Variants in GLDN observed in about 807,000 individuals in gnomAD.
The protein encoded by GLDN is gliomedin.
Under a neutral mutation model 56.5 loss-of-function variants are expected in GLDN, and 47 were observed. That is an observed-to-expected ratio of 0.83 (90% confidence interval 0.66 to 1.06). GLDN has a LOEUF of 1.06. GLDN is among the 50% of genes least tolerant of loss of function. GLDN has a pLI of 0.00. For missense variants in GLDN, 782 were observed against 714.3 expected, an observed-to-expected ratio of 1.09 and a Z score of -1.08; for synonymous variants, 332 against 278.8, an observed-to-expected ratio of 1.19 and a Z score of -1.90.
downstream of GLDN, among the ~76,000 whole-genome samples, chr15:51,410,321 G>A (rs1179010510): frequency 2.0e-5 from 3 of 152,190 alleles, no homozygotes; most frequent in Non-Finnish European, 2.9e-5. Flanking sequence ...TGCTGGAAGT[G>A]CTGTCAACAT....
chr15:51,372,553 T>A (rs1415342474), intron 1 of GLDN, among the ~76,000 whole-genome samples: 3 of 152,186 alleles, frequency 2.0e-5, no homozygotes, highest in Non-Finnish European at 4.4e-5. Flanking sequence ...CAGCCCATCG[T>A]TCCCACTAAG....
chr15:51,350,381 C>T (rs1347281796), intron 1 of GLDN, among the ~76,000 whole-genome samples: 1 of 152,072 alleles, frequency 6.6e-6, no homozygotes, highest in African/African-American at 2.4e-5. Flanking sequence ...AGATTAGAGG[C>T]CTGATACAGG....
intron 1 of GLDN, among the ~76,000 whole-genome samples, chr15:51,356,522 G>A (rs2037189683): frequency 6.6e-6 from 1 of 152,212 alleles, no homozygotes; most frequent in Non-Finnish European, 1.5e-5. Context: ...CTTCCAAGGA[G>A]AACTCTGCCT....
chr15:51,366,936 T>C (rs756189420), intron 1 of GLDN, among the ~76,000 whole-genome samples: 8 of 152,186 alleles, frequency 5.3e-5, no homozygotes, highest in Non-Finnish European at 1.2e-4. Context: ...TTGATTGACA[T>C]TTAAATCATG....
intron 1 of GLDN, among the ~76,000 whole-genome samples, chr15:51,360,744 C>T (rs2037281618): frequency 1.3e-5 from 2 of 152,198 alleles, no homozygotes; most frequent in African/African-American, 2.4e-5. Context: ...TCTTATCATG[C>T]CTGAGAGCCC....
chr15:51,376,682 T>C (rs542508560), intron 1 of GLDN, among the ~76,000 whole-genome samples: 1 of 152,390 alleles, frequency 6.6e-6, no homozygotes, highest in East Asian at 1.9e-4. Context: ...ATATCCTTAT[T>C]ATGTAAGCTT....
chr15:51,375,171 C>G (rs1231456222), intron 1 of GLDN, among the ~76,000 whole-genome samples: 1 of 152,108 alleles, frequency 6.6e-6, no homozygotes, highest in East Asian at 1.9e-4. Flanking sequence ...AATCTAGATA[C>G]AATACAAAAA....
intron 1 of GLDN, chr15:51,367,482 ATTTG>A (rs1209444458): frequency 6.6e-6 from 1 of 152,358 alleles, no homozygotes; most frequent in African/African-American, 2.4e-5. Context: ...CTTGGTAATT[ATTTG>A]TTTAAGATTT....
chr15:51,346,197 A>T (rs2036975498), intron 1 of GLDN, among the ~76,000 whole-genome samples: 1 of 152,176 alleles, frequency 6.6e-6, no homozygotes, highest in Admixed American at 6.5e-5. Flanking sequence ...AGACAAACTG[A>T]TTCAAAAGTT....
intron 9 of GLDN, 86 bp from the exon 10 acceptor site, chr15:51,404,191 A>G: frequency 9.8e-7 from 1 of 1,019,932 alleles, no homozygotes; most frequent in Non-Finnish European, 1.4e-6. Context: ...CAGACCCACT[A>G]ACTCAGTTTA....
intron 6 of GLDN, among the ~76,000 whole-genome samples, chr15:51,398,665 A>G (rs781070632): frequency 5.9e-5 from 9 of 152,222 alleles, no homozygotes; most frequent in Non-Finnish European, 2.9e-5. Flanking sequence ...AGATGGCACC[A>G]TCCCCCTCCC....
intron 1 of GLDN, among the ~76,000 whole-genome samples, chr15:51,371,567 A>G (rs2037516715): frequency 6.6e-6 from 1 of 152,240 alleles, no homozygotes; most frequent in Non-Finnish European, 1.5e-5. Context: ...AAAAAACTGG[A>G]AAAGCTGGTC....
chr15:51,404,539 A>C lies in GLDN; in HGVS notation c.1441A>C (p.Ile481Leu). ...KAGNAFIARGILYVTDTKDMR... is the reference protein window; with the variant it reads ...KAGNAFIARGLLYVTDTKDMR... Reference sequence around the variant, plus strand: ...TGGCAACGCCTTCATTGCCCGAGGAATCCTCTATGTCACAGACACCAAAGA... The same window carrying C: ...TGGCAACGCCTTCATTGCCCGAGGACTCCTCTATGTCACAGACACCAAAGA... Residue 481 changes from isoleucine (I) to leucine (L), a missense_variant, in exon 10 of 10, where the codon ATC (isoleucine) becomes CTC (leucine). Coordinates refer to ENST00000335449, the MANE Select transcript of GLDN (RefSeq NM_181789.4). 6.2e-7 allele frequency: 1 copy of C among 1,614,172 alleles called. No homozygotes were observed. The highest frequency in any genetic ancestry group is 1.3e-5 in the African/African-American group (1 of 75,052).
At chr15:51,380,644 T>C (rs2037738203) in intron 2 of GLDN, among the ~76,000 whole-genome samples, 1 of 152,170 alleles carries the variant, frequency 6.6e-6, no homozygotes, top group Non-Finnish European at 1.5e-5. Flanking sequence ...TCTTCTGAAA[T>C]TCTCTCCTCA....
intron 1 of GLDN, among the ~76,000 whole-genome samples, chr15:51,347,528 C>A (rs1407273113): frequency 1.3e-5 from 2 of 152,152 alleles, no homozygotes; most frequent in Non-Finnish European, 1.5e-5. Context: ...AGATTGGACA[C>A]CCCTAACCTA....
intron 1 of GLDN, among the ~76,000 whole-genome samples, chr15:51,364,840 G>C (rs574903744): frequency 2.4e-3 from 368 of 152,124 alleles, no homozygotes; most frequent in African/African-American, 8.5e-3. Context: ...ATTTTACCTT[G>C]TTGGGTGCTA....
intron 1 of GLDN, among the ~76,000 whole-genome samples, chr15:51,349,076 A>T (rs1374856434): frequency 2.0e-5 from 3 of 152,228 alleles, no homozygotes; most frequent in Admixed American, 6.5e-5. Flanking sequence ...TTTCAAAAGC[A>T]TGTACTCCCG....
intron 1 of GLDN, among the ~76,000 whole-genome samples, chr15:51,364,334 A>C (rs1390154811): frequency 6.6e-6 from 1 of 152,164 alleles, no homozygotes; most frequent in African/African-American, 2.4e-5. Flanking sequence ...CTAACCTTTC[A>C]TCTGCAATGT....
chr15:51,377,913 AGTCCCC>A (rs2037670770), intron 2 of GLDN, among the ~76,000 whole-genome samples: 1 of 152,198 alleles, frequency 6.6e-6, no homozygotes, highest in Non-Finnish European at 1.5e-5. Context: ...GTGCTAGAGC[AGTCCCC>A]TCTGACTTTA....
Sources: allele counts gnomAD v4.1 joint callset (sites outside exome capture counted in the v4.1 genomes callset), GRCh38; gene constraint gnomAD v4.1.1; transcripts MANE v1.5; gene names NCBI Gene and HGNC (gene_info 2026-07-23, HGNC 2026-07-21).